Variants in COL22A1 observed in about 807,000 individuals in gnomAD.
COL22A1 encodes the protein collagen type XXII alpha 1 chain, also known as collagen alpha-1(XXII) chain.
In COL22A1, 221 loss-of-function variants were observed where a neutral mutation model predicts 248.9. The observed-to-expected ratio is 0.89, with a 90% CI of 0.80 to 0.99. The LOEUF (loss-of-function observed/expected upper bound fraction) is 0.99. COL22A1 is among the 50% of genes least tolerant of loss of function. COL22A1 has a pLI of 0.00. For missense variants in COL22A1, 2,240 were observed against 2,179.0 expected, an observed-to-expected ratio of 1.03 and a Z score of -0.56; for synonymous variants, 891 against 793.4, an observed-to-expected ratio of 1.12 and a Z score of -2.07.
intron 1 of COL22A1, among the ~76,000 whole-genome samples, chr8:138,894,933 C>A (rs745783485): frequency 1.4e-4 from 22 of 151,906 alleles, no homozygotes; most frequent in Non-Finnish European, 2.5e-4. Context: ...GTGGTACATG[C>A]CTGTAGTCCC....
chr8:138,606,776 T>C (rs1053132728), intron 57 of COL22A1, among the ~76,000 whole-genome samples: 13 of 152,130 alleles, frequency 8.5e-5, no homozygotes, highest in African/African-American at 2.2e-4. Context: ...TCTAGTGAGA[T>C]GGCATACCAC....
intron 49 of COL22A1, among the ~76,000 whole-genome samples, chr8:138,633,367 A>G (rs879802027): frequency 6.6e-6 from 1 of 152,176 alleles, no homozygotes; most frequent in Non-Finnish European, 1.5e-5. Context: ...TACATCATCT[A>G]GCATGAGAAT....
At chr8:138,736,076 G>A (rs1462936190) in intron 23 of COL22A1, among the ~76,000 whole-genome samples, 1 of 152,106 alleles carries the variant, frequency 6.6e-6, no homozygotes, top group Non-Finnish European at 1.5e-5. Context: ...AGCCACATCT[G>A]TCTACCCCCT....
At position 138,867,411 on chromosome 8, in the gene COL22A1, T is replaced by C. The variant is rs1822984125; in HGVS notation, c.658+10339A>G. Reference sequence around the variant, plus strand: ...GCCAAGCACTTTGATTTGTGGCATGTTCTTTTTTATATAGATTTGCCATAA... The same window carrying C: ...GCCAAGCACTTTGATTTGTGGCATGCTCTTTTTTATATAGATTTGCCATAA... On this transcript the variant is annotated intron_variant, in intron 3 of 64. Coordinates refer to ENST00000303045, the MANE Select transcript of COL22A1 (RefSeq NM_152888.3). Among the ~76,000 whole-genome samples, 3 of 152,216 alleles carry C rather than the reference T, an allele frequency of 2.0e-5. No individual in the cohort carries two copies. The South Asian group carries it at 6.2e-4, about 32-fold the overall frequency.
intron 46 of COL22A1, among the ~76,000 whole-genome samples, chr8:138,648,325 G>T (rs762958933): frequency 9.9e-5 from 15 of 152,190 alleles, no homozygotes; most frequent in Admixed American, 2.0e-4. Context: ...AGCTGAGCTG[G>T]TGGAAAGGGA....
At chr8:138,767,694 C>T (rs1405060859) in intron 16 of COL22A1, among the ~76,000 whole-genome samples, 2 of 152,220 alleles carry the variant, frequency 1.3e-5, no homozygotes, top group Non-Finnish European at 2.9e-5. Context: ...ACCCAGTCTC[C>T]AGACAGTGCA....
intron 56 of COL22A1, among the ~76,000 whole-genome samples, chr8:138,609,366 A>G (rs1357526073): frequency 3.3e-5 from 5 of 152,138 alleles, no homozygotes; most frequent in Non-Finnish European, 7.3e-5. Context: ...GATCATAAAT[A>G]CAGCTTCCAC....
At chr8:138,664,209 G>GCGCGCA (rs1440442280) in intron 41 of COL22A1, among the ~76,000 whole-genome samples, 21 of 103,202 alleles carry the variant, frequency 2.0e-4, no homozygotes, top group East Asian at 3.2e-4. Context: ...GCGCGCGCGC[G>GCGCGCA]CACACACACA....
At chr8:138,643,055 C>T (rs7460256) in intron 47 of COL22A1, among the ~76,000 whole-genome samples, 7,363 of 151,656 alleles carry the variant, frequency 0.049, 451 homozygotes, top group African/African-American at 0.14. Flanking sequence ...AGGCAATTCC[C>T]CCTCAGCAGA....
rs1814402719 is a variant in COL22A1 at position 138,775,855 on chromosome 8, C to A, written c.1803+111G>T. ...ATGTACACACATGTGCACACATGCA[C>A]ACACAAATGTGTACACACACACACG... On this transcript the variant is annotated intron_variant, in intron 16 of 64. Transcript: ENST00000303045. The A allele has an allele frequency of 1.2e-5, 13 of 1,063,590 alleles. No homozygotes were observed. In the South Asian group the frequency reaches 1.7e-4, roughly 14 times the overall value. 65.9% of individuals were successfully genotyped at this position (1,063,590 alleles called of 1,614,324 possible). A position where few individuals can be genotyped will look rare whatever the true frequency, so the allele number is the denominator to read the frequency against.
At chr8:138,616,491 T>C (rs10089840) in intron 54 of COL22A1, among the ~76,000 whole-genome samples, 89,095 of 152,032 alleles carry the variant, frequency 0.59, 30,788 homozygotes, top group Middle Eastern at 0.79. Context: ...GATAAGAAAA[T>C]AGTCTCTGGA....
At chr8:138,835,264 T>C (rs1222145030) in intron 4 of COL22A1, among the ~76,000 whole-genome samples, 1 of 152,244 alleles carries the variant, frequency 6.6e-6, no homozygotes, top group African/African-American at 2.4e-5. Flanking sequence ...ACAGGCTATT[T>C]AATGGAATTC....
chr8:138,605,205 G>T (rs1818330101), intron 58 of COL22A1, among the ~76,000 whole-genome samples: 1 of 152,128 alleles, frequency 6.6e-6, no homozygotes, highest in Admixed American at 6.5e-5. Context: ...ACTTCCATAA[G>T]CTCTCTGTGC....
At chr8:138,897,100 G>A (rs1586991261) in intron 1 of COL22A1, among the ~76,000 whole-genome samples, 1 of 152,186 alleles carries the variant, frequency 6.6e-6, no homozygotes, top group East Asian at 1.9e-4. Context: ...TATAGATGAG[G>A]AAATGGAAGA....
intron 1 of COL22A1, among the ~76,000 whole-genome samples, chr8:138,884,103 T>TC (rs947400289): frequency 2.6e-5 from 4 of 151,988 alleles, no homozygotes; most frequent in African/African-American, 9.7e-5. Context: ...CTACCTAAAA[T>TC]CCCCACACCC....
intron 27 of COL22A1, among the ~76,000 whole-genome samples, chr8:138,718,231 T>C (rs1054583597): frequency 1.3e-5 from 2 of 152,180 alleles, no homozygotes; most frequent in African/African-American, 4.8e-5. Context: ...CTAGACACAC[T>C]CCGATGCTCC....
At chr8:138,755,328 G>GTACTTGGAAAGTAAACTTTCCCA in intron 20 of COL22A1, 118 bp from the exon 21 acceptor site, 1 of 1,284,900 alleles carries the variant, frequency 7.8e-7, no homozygotes. Context: ...TCGATAGGGA[G>GTACTTGGAAAGTAAACTTTCCCA]TAGAGGTATG....
At chr8:138,832,581 A>G (rs912855488) in intron 5 of COL22A1, among the ~76,000 whole-genome samples, 4 of 152,164 alleles carry the variant, frequency 2.6e-5, no homozygotes, top group African/African-American at 4.8e-5. Flanking sequence ...TCGAGGCACA[A>G]GGGCATTCAG....
chr8:138,771,572 G>T (rs1179243514), intron 16 of COL22A1, among the ~76,000 whole-genome samples: 3 of 152,224 alleles, frequency 2.0e-5, no homozygotes, highest in African/African-American at 7.2e-5. Context: ...AAAGCTTGCT[G>T]GAAAAACGTC....
Sources: allele counts gnomAD v4.1 joint callset (sites outside exome capture counted in the v4.1 genomes callset), GRCh38; gene constraint gnomAD v4.1.1; transcripts MANE v1.5; gene names NCBI Gene and HGNC (gene_info 2026-07-23, HGNC 2026-07-21).